The following DOCK2 variants were observed in gnomAD, a reference collection of about 807,000 sequenced individuals.
DOCK2 encodes dedicator of cytokinesis 2.
A neutral mutation model predicts 248.9 loss-of-function variants in DOCK2; 87 were observed. The observed-to-expected ratio is 0.35, with a 90% CI of 0.29 to 0.42. The LOEUF (loss-of-function observed/expected upper bound fraction) is 0.42, where lower values mean the gene tolerates loss of function less well. DOCK2 is among the 10% of genes least tolerant of loss of function. The pLI is 1.00. For missense variants in DOCK2, 1,747 were observed against 2,300.2 expected (o/e 0.76, Z 4.92); for synonymous variants, 805 against 821.6 (o/e 0.98, Z 0.35).
intron 32 of DOCK2, among the ~76,000 whole-genome samples, chr5:170,015,166 G>T (rs1422295426): frequency 6.6e-6 from 1 of 152,184 alleles, no homozygotes; most frequent in South Asian, 2.1e-4. Context: ...CTTACCATCA[G>T]CAGCAGCAGC....
At chr5:169,861,158 G>C (rs750926334) in intron 27 of DOCK2, among the ~76,000 whole-genome samples, 1 of 152,110 alleles carries the variant, frequency 6.6e-6, no homozygotes, top group Non-Finnish European at 1.5e-5. Flanking sequence ...ACTAAGTTCT[G>C]AATCTGCTCT....
chr5:169,891,555 G>A (rs577908612), intron 27 of DOCK2, among the ~76,000 whole-genome samples: 4 of 152,230 alleles, frequency 2.6e-5, no homozygotes, highest in Admixed American at 2.0e-4. Context: ...ATAAAGTGGA[G>A]TTGTTCTAGA....
Position 170,008,656 on chromosome 5 carries a change from G to A in DOCK2, c.3174-32G>A, listed in dbSNP as rs377523800. On this transcript the variant is annotated intron_variant, in intron 31 of 51. Transcript: ENST00000520908. ...GAGGTCCATGAGATCCTCTGAGATGGTGCCTGAAGCAGAGGTTTTTGTTCC... is the reference window on the plus strand; with the variant it reads ...GAGGTCCATGAGATCCTCTGAGATGATGCCTGAAGCAGAGGTTTTTGTTCC... 18 of 1,613,976 alleles carry A rather than the reference G, an allele frequency of 1.1e-5. No individual in the cohort carries two copies. In the African/African-American group the frequency reaches 1.6e-4, roughly 14 times the overall value.
intron 33 of DOCK2, among the ~76,000 whole-genome samples, chr5:170,022,458 T>C (rs573400660): frequency 6.6e-6 from 1 of 152,180 alleles, no homozygotes; most frequent in Non-Finnish European, 1.5e-5. Flanking sequence ...GCTGATGGGT[T>C]TGACTGATGA....
intron 25 of DOCK2, among the ~76,000 whole-genome samples, chr5:169,784,979 C>G (rs1392142682): frequency 6.6e-6 from 1 of 152,180 alleles, no homozygotes; most frequent in Non-Finnish European, 1.5e-5. Context: ...TTAGAAAGCT[C>G]TAAGCTCTAT....
rs1768468787 is a variant in DOCK2 at position 169,821,874 on chromosome 5, A to G, written c.2703+18668A>G. On this transcript the variant is annotated intron_variant, in intron 26 of 51. Transcript: ENST00000520908. The stretch of plus-strand genomic sequence containing the variant: ...TCAGTGTGCTGTATTCAGGAAACCC[A>G]TCTCACGTGCAGAGACACGCATAGG... Among the ~76,000 whole-genome samples the G allele has an allele frequency of 4.6e-5, 7 of 152,330 alleles. 1 individual carries two copies. The South Asian group carries it at 1.5e-3, about 32-fold the overall frequency.
At chr5:169,972,310 A>G (rs1777532783) in intron 27 of DOCK2, among the ~76,000 whole-genome samples, 1 of 152,096 alleles carries the variant, frequency 6.6e-6, no homozygotes, top group Non-Finnish European at 1.5e-5. Context: ...ATCATAATGT[A>G]TCTTCCCCTT....
At position 169,882,508 on chromosome 5, in the gene DOCK2, T is replaced by G. The variant is rs545561805; in HGVS notation, c.2799+41656T>G. On this transcript the variant is annotated intron_variant, in intron 27 of 51. Transcript: ENST00000520908. ...CTGTCTCTGCCCCTGTGTTGGCAAA[T>G]GACTTCACCCAGTCATTTTTAATAT... 4.2e-4 allele frequency: 619 copies of G among 1,478,388 alleles called. 1 individual carries two copies. Among genetic ancestry groups the G allele is most frequent in the Middle Eastern group, 3.5e-4 (2 of 5,662 alleles). The allele number at this position is 1,478,388 out of a possible 1,614,324, so 91.6% of individuals were successfully genotyped here.
At chr5:170,059,049 T>G (rs534575304) in intron 44 of DOCK2, among the ~76,000 whole-genome samples, 177 of 152,284 alleles carry the variant, frequency 1.2e-3, no homozygotes, top group Admixed American at 4.1e-3. Context: ...ATGTGGGAAC[T>G]GAGATGCAGA....
intron 27 of DOCK2, among the ~76,000 whole-genome samples, chr5:169,861,115 G>A (rs981122774): frequency 1.3e-5 from 2 of 152,098 alleles, no homozygotes; most frequent in African/African-American, 2.4e-5. Flanking sequence ...CCTCACTCAC[G>A]GGACACGCGG....
intron 22 of DOCK2, among the ~76,000 whole-genome samples, chr5:169,741,661 G>T (rs262849): frequency 0.86 from 131,338 of 152,174 alleles, 56,874 homozygotes; most frequent in East Asian, 0.98. Context: ...TAGAAAAAGC[G>T]TAGAGCCAGC....
chr5:169,716,437 G>A, intron 20 of DOCK2, 135 bp downstream of exon 20: 1 of 796,614 alleles, frequency 1.3e-6, no homozygotes. Context: ...GTAATGTTTG[G>A]CAACAAGACC....
chr5:169,713,918 A>G (rs1761727874), intron 17 of DOCK2, 110 bp from the exon 18 acceptor site: 1 of 1,229,408 alleles, frequency 8.1e-7, no homozygotes. Flanking sequence ...GATTTTCTTC[A>G]CTCTTTATGA....
intron 26 of DOCK2, among the ~76,000 whole-genome samples, chr5:169,805,295 G>A (rs1486177498): frequency 6.6e-6 from 1 of 151,732 alleles, no homozygotes; most frequent in Non-Finnish European, 1.5e-5. Flanking sequence ...CTAGCTGCTT[G>A]AGAGGCTGAG....
chr5:169,942,740 C>T (rs545613787), intron 27 of DOCK2, among the ~76,000 whole-genome samples: 2 of 152,218 alleles, frequency 1.3e-5, no homozygotes, highest in East Asian at 1.9e-4. Context: ...GGAGAGACCA[C>T]GAGGGTTCAG....
At chr5:169,840,560 G>A (rs1769887729) in intron 26 of DOCK2, among the ~76,000 whole-genome samples, 197 bp from the exon 27 acceptor site, 1 of 152,024 alleles carries the variant, frequency 6.6e-6, no homozygotes, top group South Asian at 2.1e-4. Flanking sequence ...GCCCAGTGTA[G>A]GTGGTAATGA....
At chr5:169,735,231 C>G (rs1297997262) in intron 22 of DOCK2, among the ~76,000 whole-genome samples, 2 of 152,114 alleles carry the variant, frequency 1.3e-5, no homozygotes, top group African/African-American at 4.8e-5. Flanking sequence ...GCAAGGGTCT[C>G]CTGGTCTGGC....
At chr5:169,751,986 A>G (rs941835300) in intron 23 of DOCK2, among the ~76,000 whole-genome samples, 47 of 128,788 alleles carry the variant, frequency 3.6e-4, no homozygotes, top group African/African-American at 1.8e-3. Context: ...ATCTGCCTCC[A>G]AAGCACTATT....
rs780949901 is a variant in DOCK2, at chr5:169,708,158, T to C, written c.1384-11T>C. On this transcript the variant is annotated splice_polypyrimidine_tract_variant and intron_variant, in intron 14 of 51. Transcript: ENST00000520908. ...GTAGTCTTTTCCCTCACTTTGTTTT[T>C]CTTGGGTCAGAATGCAATTTGCGTG... 1.5e-5 allele frequency: 25 copies of C among 1,613,328 alleles called. No individual in the cohort carries two copies. The highest frequency in any genetic ancestry group is 2.1e-5 in the Non-Finnish European group (25 of 1,179,706).
Sources: gnomAD v4.1 joint callset for allele counts (sites outside exome capture counted in the v4.1 genomes callset) on GRCh38, gnomAD v4.1.1 for gene constraint, MANE v1.5 for transcripts, NCBI Gene and HGNC (gene_info 2026-07-23, HGNC 2026-07-21) for gene names.